The following ANKRD26 variants were observed in gnomAD, a reference collection of about 807,000 sequenced individuals.
ANKRD26 encodes ankyrin repeat domain 26.
ANKRD26 carries 141 observed loss-of-function variants against 208.7 expected under a neutral mutation model. That is an observed-to-expected ratio of 0.68 (90% CI 0.59 to 0.78). The LOEUF (loss-of-function observed/expected upper bound fraction) is 0.78, where lower values mean the gene tolerates loss of function less well. Ranked by LOEUF, ANKRD26 falls within the 30% of genes least tolerant of loss-of-function variation. ANKRD26 has a pLI of 0.00. For missense variants in ANKRD26, 1,889 were observed against 1,938.7 expected, an observed-to-expected ratio of 0.97 and a Z score of 0.48; for synonymous variants, 636 against 660.4, an observed-to-expected ratio of 0.96 and a Z score of 0.57.
intron 9 of ANKRD26, among the ~76,000 whole-genome samples, chr10:27,074,670 T>C (rs1247147204): frequency 6.6e-6 from 1 of 151,830 alleles, no homozygotes; most frequent in African/African-American, 2.4e-5. Context: ...AGAGACTCTG[T>C]CTCGAGGGGG....
the ANKRD26 span, among the ~76,000 whole-genome samples, chr10:26,959,908 C>T: frequency 6.6e-6 from 1 of 152,092 alleles, no homozygotes; most frequent in South Asian, 2.1e-4. Flanking sequence ...TGTTTTATGG[C>T]TGATTAAAGA....
intron 1 of ANKRD26, among the ~76,000 whole-genome samples, chr10:27,096,109 C>G (rs2056457419): frequency 6.6e-6 from 1 of 152,208 alleles, no homozygotes; most frequent in Non-Finnish European, 1.5e-5. Context: ...AGCAGCTCAC[C>G]AGAACTTCTC....
intron 31 of ANKRD26, among the ~76,000 whole-genome samples, chr10:27,013,396 G>A (rs897771335): frequency 6.6e-6 from 1 of 152,160 alleles, no homozygotes; most frequent in South Asian, 2.1e-4. Context: ...AACTTCACAG[G>A]TAACACCTGC....
intron 32 of ANKRD26, among the ~76,000 whole-genome samples, chr10:27,012,236 A>G (rs1212182201): frequency 1.3e-5 from 2 of 152,178 alleles, no homozygotes; most frequent in Non-Finnish European, 2.9e-5. Context: ...GGAAAGCCAA[A>G]GTATCTCAAC....
intron 5 of ANKRD26, chr10:26,994,898 G>A (rs920296089): frequency 1.7e-5 from 6 of 352,940 alleles, no homozygotes; most frequent in South Asian, 4.5e-5. Context: ...TGAAAAGCTC[G>A]GGTCAGGGAA....
In ANKRD26 at chr10:27,086,607, C is replaced by T. The variant is rs2135676265; in HGVS notation, c.641G>A (p.Ser214Asn). Residue 214 changes from serine (S) to asparagine (N), a missense_variant and splice_region_variant, in exon 5 of 34, where the codon AGT becomes AAT. Physicochemically the swap from Ser to Asn is conservative, Grantham distance 46. Coordinates refer to ENST00000376087, the MANE Select transcript of ANKRD26 (RefSeq NM_014915.3). ...TTTATATTCTGAAATTAGTTGGTGA[C>T]TGCTATGTATAGAAAAATGTAACAA... is the stretch of plus-strand genomic sequence containing the variant. ...NVNAVDKLESSHQLISEYKEE... is the reference protein window; with the variant it reads ...NVNAVDKLESNHQLISEYKEE... 5 of 1,602,922 alleles carry T rather than the reference C, an allele frequency of 3.1e-6. No individual in the cohort carries two copies. Among genetic ancestry groups the T allele is most frequent in the East Asian group, 2.2e-5 (1 of 44,490 alleles).
At chr10:27,066,688 C>T in intron 10 of ANKRD26, 140 bp from the exon 11 acceptor site, 2 of 589,274 alleles carry the variant, frequency 3.4e-6, no homozygotes, top group South Asian at 7.3e-5. Flanking sequence ...AAAAGAATTT[C>T]ACAAGGTTGA....
At chr10:27,071,269 C>T (rs992826945) in intron 9 of ANKRD26, among the ~76,000 whole-genome samples, 13 of 149,538 alleles carry the variant, frequency 8.7e-5, no homozygotes, top group African/African-American at 2.7e-4. Context: ...AGGTTCACGC[C>T]ATTCTCCTGC....
intron 32 of ANKRD26, 149 bp downstream of exon 32, chr10:27,012,733 A>C: frequency 1.4e-6 from 1 of 695,242 alleles, no homozygotes; most frequent in Non-Finnish European, 2.4e-6. Context: ...GAATTGCCTG[A>C]ACCTAGACAT....
At chr10:26,981,694 G>A (rs948938283) in intron 4 of ANKRD26, among the ~76,000 whole-genome samples, 1 of 152,204 alleles carries the variant, frequency 6.6e-6, no homozygotes, top group Non-Finnish European at 1.5e-5. Flanking sequence ...TTCTGCAGCT[G>A]CAGAGGCTTA....
intron 5 of ANKRD26, among the ~76,000 whole-genome samples, chr10:26,978,143 G>A (rs1391532176): frequency 3.9e-5 from 6 of 152,092 alleles, no homozygotes; most frequent in African/African-American, 1.2e-4. Flanking sequence ...TTTTGCAAAG[G>A]TAAACGAGCA....
intron 16 of ANKRD26, chr10:27,051,551 C>A: frequency 2.0e-6 from 2 of 984,936 alleles, no homozygotes; most frequent in African/African-American, 3.5e-5. Flanking sequence ...TATAAAAATT[C>A]TCATCTGTGT....
chr10:26,954,996 T>C, the ANKRD26 span, among the ~76,000 whole-genome samples: 3 of 150,808 alleles, frequency 2.0e-5, no homozygotes, highest in Admixed American at 2.0e-4. Flanking sequence ...TTATGTCTCT[T>C]GTCCATCTGT....
chr10:27,054,540 G>A (rs545949200), intron 15 of ANKRD26, among the ~76,000 whole-genome samples: 57 of 152,222 alleles, frequency 3.7e-4, no homozygotes, highest in African/African-American at 1.2e-3. Flanking sequence ...AGCCAAGATC[G>A]TGCTGCTGCA....
chr10:27,015,988 CTTTG>C (rs767614797), intron 30 of ANKRD26, among the ~76,000 whole-genome samples: 27 of 152,138 alleles, frequency 1.8e-4, no homozygotes, highest in Admixed American at 8.5e-4. Context: ...ATTCCTTTGG[CTTTG>C]TTTATTTTAG....
downstream of ANKRD26, among the ~76,000 whole-genome samples, chr10:26,999,807 C>CAAAAAAAAAAA (rs68192322): frequency 4.0e-5 from 3 of 74,764 alleles, no homozygotes; most frequent in Non-Finnish European, 8.5e-5. Context: ...CAAAACCAAC[C>CAAAAAAAAAAA]AAAAAAAAAA....
chr10:26,955,457 ATGTATATATGTACATATATG>A, the ANKRD26 span, among the ~76,000 whole-genome samples: 1 of 151,932 alleles, frequency 6.6e-6, no homozygotes, highest in Non-Finnish European at 1.5e-5. Flanking sequence ...ATATGTGTGT[ATGTATATATGTACATATATG>A]TGTATATATG....
chr10:27,044,300 C>T, intron 18 of ANKRD26, 110 bp from the exon 19 acceptor site: 1 of 985,976 alleles, frequency 1.0e-6, no homozygotes, highest in Non-Finnish European at 1.4e-6. Flanking sequence ...TTTATTTACC[C>T]TATTCATAAA....
Position 27,013,050 on chromosome 10 carries a change from T to C in ANKRD26, c.4785A>G (p.Arg1595=), listed in dbSNP as rs749494441. The C allele has an allele frequency of 1.1e-5, 18 of 1,614,066 alleles. No homozygotes were observed. The East Asian group carries it at 3.8e-4, about 34-fold the overall frequency. ...TKLLVEKQQS[R]SLFTTLTTRP... is the part of the protein sequence containing the mutation. ...TGGTAGTGAGAGTGGTGAACAAAGA[T>C]CTGCTCTGCTGTTTTTCCACAAGAA... The change falls in exon 32 of 34, where the codon AGA becomes AGG. Residue 1595 remains arginine, a synonymous_variant. Coordinates refer to ENST00000376087, the MANE Select transcript of ANKRD26 (RefSeq NM_014915.3).
Sources: allele counts gnomAD v4.1 joint callset (sites outside exome capture counted in the v4.1 genomes callset), GRCh38; gene constraint gnomAD v4.1.1; transcripts MANE v1.5; gene names NCBI Gene and HGNC (gene_info 2026-07-23, HGNC 2026-07-21).